PRTFDC1: variants seen among roughly 807,000 people sequenced by gnomAD.
PRTFDC1 encodes the protein phosphoribosyltransferase domain-containing protein 1.
In PRTFDC1, 38 loss-of-function variants were observed where a neutral mutation model predicts 34.6. That is an observed-to-expected ratio of 1.10 (90% CI 0.85 to 1.44). PRTFDC1 has a LOEUF of 1.44. Among genes scored for constraint, PRTFDC1 ranks in the 40% most tolerant of loss-of-function variants. PRTFDC1 has a pLI of 0.00. For missense variants in PRTFDC1, 270 were observed against 283.0 expected (o/e 0.95, Z 0.33); for synonymous variants, 93 against 98.1 (o/e 0.95, Z 0.31).
At chr10:24,922,673 C>A (rs1049648257) in intron 3 of PRTFDC1, among the ~76,000 whole-genome samples, 1 of 152,164 alleles carries the variant, frequency 6.6e-6, no homozygotes, top group Non-Finnish European at 1.5e-5. Context: ...TTTCCTGGGT[C>A]GCTTCCAAGA....
chr10:24,942,001 C>A (rs1282629846), intron 2 of PRTFDC1, among the ~76,000 whole-genome samples: 1 of 152,138 alleles, frequency 6.6e-6, no homozygotes, highest in Non-Finnish European at 1.5e-5. Flanking sequence ...TTTATTTGAT[C>A]ACGGAACGTC....
chr10:24,891,414 A>G (rs1187043615), intron 3 of PRTFDC1, among the ~76,000 whole-genome samples: 2 of 152,152 alleles, frequency 1.3e-5, no homozygotes, highest in Non-Finnish European at 2.9e-5. Context: ...ATGTCATTAT[A>G]CTTTGGATAA....
intron 3 of PRTFDC1, among the ~76,000 whole-genome samples, chr10:24,926,408 C>T (rs770470863): frequency 7.2e-5 from 11 of 152,294 alleles, no homozygotes; most frequent in Non-Finnish European, 1.2e-4. Flanking sequence ...GACGGAGTCT[C>T]ATTCTGTTAC....
chr10:24,872,649 C>T (rs1847890517), intron 3 of PRTFDC1, among the ~76,000 whole-genome samples: 1 of 150,630 alleles, frequency 6.6e-6, no homozygotes. Context: ...TTTCTGCAGT[C>T]CTAAGAATAT....
chr10:24,926,569 G>T (rs763091559), intron 3 of PRTFDC1, among the ~76,000 whole-genome samples: 2 of 152,154 alleles, frequency 1.3e-5, no homozygotes, highest in Non-Finnish European at 2.9e-5. Flanking sequence ...GGCTGGTCTC[G>T]AACTCCGGAG....
At position 24,869,515 on chromosome 10, in the gene PRTFDC1, G is replaced by A. The variant is rs369521824; in HGVS notation, c.405+2483C>T. Among the ~76,000 whole-genome samples, 116 of 152,264 alleles carry A rather than the reference G, an allele frequency of 7.6e-4. No individual in the cohort carries two copies. The South Asian group carries it at 0.013, about 17-fold the overall frequency. ...TACATTGCCTCTACCTACATGATCCGTTGACTCATGCCAGAAATAGCTTCT... is the reference window on the plus strand; with the variant it reads ...TACATTGCCTCTACCTACATGATCCATTGACTCATGCCAGAAATAGCTTCT... On this transcript the variant is annotated intron_variant, in intron 4 of 8. Coordinates refer to ENST00000320152, the MANE Select transcript of PRTFDC1 (RefSeq NM_020200.7).
intron 3 of PRTFDC1, among the ~76,000 whole-genome samples, chr10:24,877,095 C>G (rs779935233): frequency 6.6e-6 from 1 of 152,150 alleles, no homozygotes; most frequent in Non-Finnish European, 1.5e-5. Flanking sequence ...CACGACCCCC[C>G]TACTTCTCAG....
chr10:24,869,844 T>C (rs1256189009), intron 4 of PRTFDC1, among the ~76,000 whole-genome samples: 2 of 152,198 alleles, frequency 1.3e-5, no homozygotes, highest in African/African-American at 4.8e-5. Context: ...TGTGACCATG[T>C]GGGCTTATTT....
intron 7 of PRTFDC1, among the ~76,000 whole-genome samples, chr10:24,853,925 C>T (rs1413919753): frequency 6.6e-6 from 1 of 152,162 alleles, no homozygotes; most frequent in Admixed American, 6.5e-5. Context: ...AACCAGATTG[C>T]CTGGGCTTAA....
intron 3 of PRTFDC1, among the ~76,000 whole-genome samples, chr10:24,891,577 G>C (rs1317732491): frequency 2.0e-5 from 3 of 151,870 alleles, no homozygotes; most frequent in Middle Eastern, 3.4e-3. Flanking sequence ...ATGATGGCTT[G>C]AGCTCAGGAC....
intron 3 of PRTFDC1, among the ~76,000 whole-genome samples, chr10:24,912,029 G>A (rs1848633929): frequency 2.0e-5 from 3 of 152,066 alleles, no homozygotes; most frequent in Admixed American, 2.0e-4. Flanking sequence ...AGCACTTTGG[G>A]AGGCTGAGGC....
In PRTFDC1 at chr10:24,937,266, A is replaced by G; in HGVS notation, c.257T>C (p.Val86Ala). ...TCGGCTGATGTTCTTAAGGTGTTCT[A>G]CGAGATCAGCACAGAATTTGTAACC... ...KGGYKFCADL[V>A]EHLKNISRNS... Residue 86 changes from valine (V) to alanine (A), a missense_variant, in exon 3 of 9, where the codon GTA becomes GCA. Val to Ala is a moderately conservative substitution (Grantham distance 64). Coordinates refer to ENST00000320152, the MANE Select transcript of PRTFDC1 (RefSeq NM_020200.7). 6.2e-7 allele frequency: 1 copy of G among 1,614,038 alleles called. No homozygotes were observed. Among genetic ancestry groups the G allele is most frequent in the Non-Finnish European group, 8.5e-7 (1 of 1,179,970 alleles).
At chr10:24,853,011 C>T (rs921860879) in intron 7 of PRTFDC1, among the ~76,000 whole-genome samples, 5 of 151,506 alleles carry the variant, frequency 3.3e-5, no homozygotes, top group Non-Finnish European at 1.5e-5. Context: ...TGCTAGGAAG[C>T]CTGCTTGATT....
chr10:24,882,216 A>AAAAAG (rs1213217923), intron 3 of PRTFDC1, among the ~76,000 whole-genome samples: 6 of 116,008 alleles, frequency 5.2e-5, no homozygotes, highest in Non-Finnish European at 8.6e-5. Context: ...AAAAAAAAAA[A>AAAAAG]AAAGAAAAGA....
At chr10:24,950,598 T>G (rs959461384) in intron 1 of PRTFDC1, among the ~76,000 whole-genome samples, 1 of 152,170 alleles carries the variant, frequency 6.6e-6, no homozygotes, top group Non-Finnish European at 1.5e-5. Flanking sequence ...TCCGACTTGC[T>G]GTCCCTGTAA....
intron 2 of PRTFDC1, among the ~76,000 whole-genome samples, chr10:24,941,036 T>TTGTGTGTG (rs58812300): frequency 6.7e-6 from 1 of 149,952 alleles, no homozygotes; most frequent in East Asian, 2.0e-4. Context: ...TAAATTAATC[T>TTGTGTGTG]TGTGTGTGTG....
chr10:24,885,113 G>T (rs1367465502), intron 3 of PRTFDC1, among the ~76,000 whole-genome samples: 1 of 152,202 alleles, frequency 6.6e-6, no homozygotes, highest in East Asian at 1.9e-4. Context: ...GAAAACCTGA[G>T]CTTGGCCATG....
At position 24,944,617 on chromosome 10, in the gene PRTFDC1, T is replaced by C. The variant is rs151321499; in HGVS notation, c.49-2181A>G. Among the ~76,000 whole-genome samples the C allele has an allele frequency of 7.6e-3, 1,152 of 152,184 alleles. 5 individuals carry two copies. Among genetic ancestry groups the C allele is most frequent in the Non-Finnish European group, 0.013 (897 of 68,000 alleles). The stretch of plus-strand genomic sequence containing the variant: ...GAGCAACACAGCAAGATCCTGTTTC[T>C]GCAAAAAATTAAAAAATTAGCCAGG... On this transcript the variant is annotated intron_variant, in intron 1 of 8. Transcript: ENST00000320152.
intron 4 of PRTFDC1, among the ~76,000 whole-genome samples, chr10:24,863,132 C>A (rs544737980): frequency 6.6e-6 from 1 of 152,266 alleles, no homozygotes; most frequent in South Asian, 2.1e-4. Context: ...GCTGGCTTGG[C>A]CTCCCAAAGT....
Sources: gnomAD v4.1 joint callset for allele counts (sites outside exome capture counted in the v4.1 genomes callset) on GRCh38, gnomAD v4.1.1 for gene constraint, MANE v1.5 for transcripts, NCBI Gene and HGNC (gene_info 2026-07-23, HGNC 2026-07-21) for gene names.